The following THEMIS variants were observed in gnomAD, a reference collection of about 807,000 sequenced individuals.
THEMIS encodes the protein thymocyte selection associated.
A neutral mutation model predicts 52.6 loss-of-function variants in THEMIS; 37 were observed. The observed-to-expected ratio is 0.70, with a 90% CI of 0.54 to 0.93. THEMIS has a LOEUF of 0.93. THEMIS is among the 40% of genes least tolerant of loss of function. The probability of loss-of-function intolerance (pLI) is 0.00; values close to 1 mark genes in which losing one functional copy is unlikely to be tolerated. For synonymous variants in THEMIS, 292 were observed against 272.7 expected, an observed-to-expected ratio of 1.07 and a Z score of -0.70; for missense variants, 808 against 763.1, an observed-to-expected ratio of 1.06 and a Z score of -0.69.
chr6:127,876,442 A>G (rs1218352077), intron 1 of THEMIS, among the ~76,000 whole-genome samples: 4 of 152,224 alleles, frequency 2.6e-5, no homozygotes, highest in Non-Finnish European at 5.9e-5. Context: ...TCATCCTTAA[A>G]CAGAGATGGT....
intron 1 of THEMIS, among the ~76,000 whole-genome samples, chr6:127,891,550 AAAAAAAG>A (rs1310302527): frequency 2.0e-5 from 3 of 150,668 alleles, no homozygotes; most frequent in Non-Finnish European, 3.0e-5. Flanking sequence ...AAAAAAAAAA[AAAAAAAG>A]AAAGAAACAA....
chr6:127,710,226 C>T (rs1422990123), intron 5 of THEMIS, among the ~76,000 whole-genome samples: 7 of 151,164 alleles, frequency 4.6e-5, no homozygotes, highest in African/African-American at 1.7e-4. Context: ...AAGGTAGATA[C>T]TTGTATGAGG....
chr6:127,763,351 G>A (rs1403754953), intron 4 of THEMIS, among the ~76,000 whole-genome samples: 4 of 151,892 alleles, frequency 2.6e-5, no homozygotes, highest in Admixed American at 6.6e-5. Flanking sequence ...ATCAATATTC[G>A]TGTTGTGGCT....
intron 4 of THEMIS, among the ~76,000 whole-genome samples, chr6:127,731,889 G>GTTTTTTTTTTTTTTTTT: frequency 1.3e-4 from 1 of 7,498 alleles, no homozygotes; most frequent in African/African-American, 3.3e-4. Context: ...TTTTTTTTTA[G>GTTTTTTTTTTTTTTTTT]TAGAGATGGG....
intron 1 of THEMIS, among the ~76,000 whole-genome samples, chr6:127,858,843 C>T (rs1292963335): frequency 2.0e-5 from 3 of 152,098 alleles, no homozygotes; most frequent in Admixed American, 6.6e-5. Context: ...TCAGAGAAAG[C>T]TGGAACAAAG....
chr6:127,771,175 A>G (rs1258868114), intron 4 of THEMIS, among the ~76,000 whole-genome samples: 1 of 152,210 alleles, frequency 6.6e-6, no homozygotes, highest in Non-Finnish European at 1.5e-5. Flanking sequence ...AATTGCTACA[A>G]AAAGAATAAA....
At chr6:127,833,596 T>A (rs1778773474) in intron 2 of THEMIS, among the ~76,000 whole-genome samples, 1 of 152,144 alleles carries the variant, frequency 6.6e-6, no homozygotes, top group Non-Finnish European at 1.5e-5. Flanking sequence ...TGTTTATGGG[T>A]CTCACCAGCC....
chr6:127,894,276 G>A (rs1480222749), intron 1 of THEMIS, among the ~76,000 whole-genome samples: 2 of 151,920 alleles, frequency 1.3e-5, no homozygotes, highest in Non-Finnish European at 2.9e-5. Flanking sequence ...AGTAGAACAT[G>A]TTTCATACCA....
chr6:127,781,205 C>T (rs1776732207), intron 4 of THEMIS, among the ~76,000 whole-genome samples: 2 of 151,850 alleles, frequency 1.3e-5, no homozygotes, highest in African/African-American at 2.4e-5. Context: ...CTTGTGTATG[C>T]TTCACAAAGT....
intron 4 of THEMIS, among the ~76,000 whole-genome samples, chr6:127,782,594 C>T (rs888626418): frequency 1.1e-4 from 17 of 152,180 alleles, no homozygotes; most frequent in African/African-American, 2.9e-4. Context: ...GGCAATGCCC[C>T]GCCCTGCTTT....
intron 1 of THEMIS, among the ~76,000 whole-genome samples, chr6:127,863,983 G>T (rs986231911): frequency 6.6e-6 from 1 of 152,100 alleles, no homozygotes; most frequent in African/African-American, 2.4e-5. Flanking sequence ...TACCATTAAA[G>T]CCAAGACATA....
At chr6:127,838,547 G>C (rs1008537697) in intron 2 of THEMIS, among the ~76,000 whole-genome samples, 1 of 151,854 alleles carries the variant, frequency 6.6e-6, no homozygotes, top group Non-Finnish European at 1.5e-5. Flanking sequence ...TTCATTTTAT[G>C]TATTCAAATA....
rs551092060 is a variant in THEMIS at position 127,854,701 on chromosome 6, T to A, written c.250+329A>T. 2.6e-5 allele frequency among the ~76,000 whole-genome samples: 4 copies of A among 151,980 alleles called. No homozygotes were observed. In the South Asian group the frequency reaches 8.3e-4, roughly 31 times the overall value. ...AGGCTTAAATGATGTTACTTAGTTC[T>A]ACAGAATTTATGAAAATATATCTTT... On this transcript the variant is annotated intron_variant, in intron 2 of 5. Coordinates refer to ENST00000368248, the MANE Select transcript of THEMIS (RefSeq NM_001010923.3).
intron 1 of THEMIS, among the ~76,000 whole-genome samples, chr6:127,868,920 A>G (rs1293564943): frequency 6.6e-6 from 1 of 152,206 alleles, no homozygotes; most frequent in East Asian, 1.9e-4. Context: ...TAACAGTGCT[A>G]TGTACTACTG....
At chr6:127,831,043 G>T (rs1472194854) in intron 2 of THEMIS, among the ~76,000 whole-genome samples, 3 of 152,108 alleles carry the variant, frequency 2.0e-5, no homozygotes, top group Non-Finnish European at 2.9e-5. Flanking sequence ...TTCTGTAGTT[G>T]TTCTGGACTG....
At chr6:127,806,820 T>G (rs796205999) in intron 4 of THEMIS, among the ~76,000 whole-genome samples, 11 of 152,318 alleles carry the variant, frequency 7.2e-5, no homozygotes, top group African/African-American at 2.6e-4. Context: ...CTTGTAAATA[T>G]TCCGTATGTG....
chr6:127,829,897 A>G lies in THEMIS; in HGVS notation c.288T>C (p.Leu96=), dbSNP rs79736258. ...TGGTCCTTGTGATTTCTTCCATAGT[A>G]AGGTATGGAGTTTTATCAGCCACAA... The part of the protein sequence containing the change: ...FKIVADKTPY[L]TMEEITRTIH... Residue 96 remains leucine, a synonymous_variant, in exon 3 of 6, where the codon CTT becomes CTC. Coordinates refer to ENST00000368248, the MANE Select transcript of THEMIS (RefSeq NM_001010923.3). The G allele has an allele frequency of 9.4e-4, 1,516 of 1,613,638 alleles. 29 individuals carry two copies. The East Asian group carries it at 0.03, about 32-fold the overall frequency.
At chr6:127,845,484 G>A (rs1286154950) in intron 2 of THEMIS, among the ~76,000 whole-genome samples, 2 of 151,762 alleles carry the variant, frequency 1.3e-5, no homozygotes, top group Non-Finnish European at 2.9e-5. Flanking sequence ...CCGACACTCA[G>A]GTCCACAGTA....
At chr6:127,868,329 G>A in intron 1 of THEMIS, 1 of 428,126 alleles carries the variant, frequency 2.3e-6, no homozygotes, top group Non-Finnish European at 3.1e-6. Context: ...CAAGATGCAG[G>A]GCAGTGTCCT....
Sources: allele counts gnomAD v4.1 joint callset (sites outside exome capture counted in the v4.1 genomes callset), GRCh38; gene constraint gnomAD v4.1.1; transcripts MANE v1.5; gene names NCBI Gene and HGNC (gene_info 2026-07-23, HGNC 2026-07-21).